The following FAM117B variants were observed in gnomAD, a reference collection of about 807,000 sequenced individuals.
FAM117B encodes the protein family with sequence similarity 117 member B.
In FAM117B, 22 loss-of-function variants were observed where a neutral mutation model predicts 52.8. The ratio of observed to expected loss-of-function variants is 0.42; its 90% CI spans 0.30 to 0.59. The LOEUF is 0.59. Among genes scored for constraint, FAM117B ranks in the 20% least tolerant of loss-of-function variants. The pLI, the probability that FAM117B is intolerant of heterozygous loss-of-function variation, is 0.22. For missense variants in FAM117B, 678 were observed against 802.6 expected, an observed-to-expected ratio of 0.84 and a Z score of 1.88; for synonymous variants, 309 against 324.1, an observed-to-expected ratio of 0.95 and a Z score of 0.50.
intron 4 of FAM117B, among the ~76,000 whole-genome samples, chr2:202,729,560 A>G (rs1207544259): frequency 2.6e-5 from 4 of 152,196 alleles, no homozygotes; most frequent in Non-Finnish European, 4.4e-5. Context: ...GTCTGTCCTT[A>G]CCAGTTCTCA....
intron 4 of FAM117B, among the ~76,000 whole-genome samples, chr2:202,745,290 AAAAG>A (rs1222184372): frequency 6.6e-6 from 1 of 152,084 alleles, no homozygotes; most frequent in Middle Eastern, 3.2e-3. Flanking sequence ...AAAAAAAAAA[AAAAG>A]GCAAAATAAG....
chr2:202,757,352 C>T lies in FAM117B; in HGVS notation c.1244C>T (p.Pro415Leu). The change falls in exon 6 of 8, where the codon CCA (proline) becomes CTA (leucine). Residue 415 changes from proline to leucine, a missense_variant. Transcript: ENST00000392238. ...NNSSRSQSVS[P>L]TSFLTISNEG... ...AGCAGCCGTTCCCAGTCCGTGTCCC[C>T]AACATCGTTCCTCACCATTTCCAAT... 1 of 1,614,062 alleles carries T rather than the reference C, an allele frequency of 6.2e-7. No homozygotes were observed. The highest frequency in any genetic ancestry group is 8.5e-7 in the Non-Finnish European group (1 of 1,180,024).
chr2:202,706,212 G>A (rs1299744278), intron 2 of FAM117B, among the ~76,000 whole-genome samples: 1 of 151,980 alleles, frequency 6.6e-6, no homozygotes, highest in Non-Finnish European at 1.5e-5. Context: ...CTTTGGTTTG[G>A]TTTCTTTACG....
At chr2:202,715,342 G>A (rs1163149120) in intron 2 of FAM117B, among the ~76,000 whole-genome samples, 26 of 149,314 alleles carry the variant, frequency 1.7e-4, no homozygotes, top group African/African-American at 5.0e-4. Context: ...GCTGCCGGGC[G>A]GAGACGCTCC....
rs749836325 is a variant in FAM117B, at chr2:202,635,804, C to T, written c.601+16C>T. 1 of 1,425,400 alleles carries T rather than the reference C, an allele frequency of 7.0e-7. No homozygotes were observed. The highest frequency in any genetic ancestry group is 1.4e-5 in the South Asian group (1 of 72,556). 88.3% of individuals were successfully genotyped at this position (1,425,400 alleles called of 1,614,324 possible). On this transcript the variant is annotated intron_variant, in intron 1 of 7. Coordinates refer to ENST00000392238, the MANE Select transcript of FAM117B (RefSeq NM_173511.4). ...TGCAAAGCAGGTAAGTGCTGGGGGTCGCGCAGCAAGGGGGAGGCGGCTGCG... is the reference window on the plus strand; with the variant it reads ...TGCAAAGCAGGTAAGTGCTGGGGGTTGCGCAGCAAGGGGGAGGCGGCTGCG...
intron 1 of FAM117B, among the ~76,000 whole-genome samples, chr2:202,643,577 A>G (rs2105752664): frequency 6.6e-6 from 1 of 152,330 alleles, no homozygotes; most frequent in Non-Finnish European, 1.5e-5. Flanking sequence ...TAAAATGTCA[A>G]ATAGCACTGA....
At chr2:202,715,809 T>G (rs894368322) in intron 2 of FAM117B, among the ~76,000 whole-genome samples, 3 of 152,328 alleles carry the variant, frequency 2.0e-5, no homozygotes, top group African/African-American at 7.2e-5. Flanking sequence ...ACTGAGTGAA[T>G]GAGACTCCGT....
chr2:202,744,976 C>CAAAAAAAAAAAAAAAAA (rs58898446), intron 4 of FAM117B, among the ~76,000 whole-genome samples: 1 of 59,298 alleles, frequency 1.7e-5, no homozygotes, highest in African/African-American at 7.4e-5. Flanking sequence ...GACTCTGTCT[C>CAAAAAAAAAAAAAAAAA]AAAAAAAAAA....
chr2:202,734,604 GTT>G (rs1258393222), intron 4 of FAM117B, among the ~76,000 whole-genome samples: 3 of 152,202 alleles, frequency 2.0e-5, no homozygotes, highest in Admixed American at 6.5e-5. Flanking sequence ...GGCTTGAAGT[GTT>G]GAGTCCTGCT....
At chr2:202,736,226 C>T (rs1039561842) in intron 4 of FAM117B, among the ~76,000 whole-genome samples, 3 of 152,040 alleles carry the variant, frequency 2.0e-5, no homozygotes, top group African/African-American at 7.2e-5. Flanking sequence ...AGTTTTTTGC[C>T]GTTTCAAAAT....
At chr2:202,679,448 G>C (rs1337264219) in intron 1 of FAM117B, among the ~76,000 whole-genome samples, 1 of 152,206 alleles carries the variant, frequency 6.6e-6, no homozygotes, top group East Asian at 1.9e-4. Context: ...GTTTTCTTTA[G>C]CTTTTGCTGA....
chr2:202,640,292 CAAAA>C (rs1169396299), intron 1 of FAM117B, among the ~76,000 whole-genome samples: 15 of 50,706 alleles, frequency 3.0e-4, no homozygotes, highest in Non-Finnish European at 5.2e-4. Context: ...ACCACCACCA[CAAAA>C]TATATATATA....
At chr2:202,716,952 C>T (rs917086770) in intron 2 of FAM117B, among the ~76,000 whole-genome samples, 3 of 152,176 alleles carry the variant, frequency 2.0e-5, no homozygotes, top group African/African-American at 7.2e-5. Flanking sequence ...TGAGCTTCCT[C>T]AAAACAGTTA....
At chr2:202,702,120 C>T (rs952232256) in intron 2 of FAM117B, among the ~76,000 whole-genome samples, 20 of 152,102 alleles carry the variant, frequency 1.3e-4, no homozygotes, top group African/African-American at 2.2e-4. Flanking sequence ...TGCACGGGTG[C>T]GGTGGCTCAC....
At chr2:202,762,689 C>T (rs2351117) in intron 7 of FAM117B, among the ~76,000 whole-genome samples, 65,572 of 151,424 alleles carry the variant, frequency 0.43, 16,305 homozygotes, top group Middle Eastern at 0.63. Context: ...GTCACATATC[C>T]TGTGGTGGGT....
At chr2:202,728,071 C>T (rs1053471681) in intron 4 of FAM117B, among the ~76,000 whole-genome samples, 1 of 152,142 alleles carries the variant, frequency 6.6e-6, no homozygotes, top group East Asian at 1.9e-4. Flanking sequence ...CCTCGACTTC[C>T]TGGGTTTATG....
At chr2:202,654,954 A>G (rs1421206449) in intron 1 of FAM117B, among the ~76,000 whole-genome samples, 2 of 152,016 alleles carry the variant, frequency 1.3e-5, no homozygotes, top group Non-Finnish European at 2.9e-5. Context: ...TATTCTCTTT[A>G]GAAAAAATGT....
Position 202,695,997 on chromosome 2 carries a change from C to T in FAM117B, c.718C>T (p.Gln240Ter). Reference sequence around the variant, plus strand: ...ACACTGGCCTCGGGATAGCCATGGGCAAGCTGCACCTTGCATGAGGGACAA... The same window carrying T: ...ACACTGGCCTCGGGATAGCCATGGGTAAGCTGCACCTTGCATGAGGGACAA... The part of the protein sequence containing the change: ...AGHWPRDSHG[Q>*]AAPCMRDKAT... Residue 240 changes from glutamine (Q) to a stop codon, truncating the protein, a stop_gained, in exon 2 of 8, where the codon CAA (glutamine) becomes TAA (stop). Coordinates refer to ENST00000392238, the MANE Select transcript of FAM117B (RefSeq NM_173511.4). LOFTEE classifies it high-confidence loss of function. The T allele has an allele frequency of 2.5e-6, 4 of 1,614,158 alleles. No homozygotes were observed. Among genetic ancestry groups the T allele is most frequent in the Non-Finnish European group, 3.4e-6 (4 of 1,180,020 alleles).
chr2:202,694,188 C>CTTTTTTTTTTTTTTTTTTTTTTT lies in FAM117B; in HGVS notation c.602-1672_602-1671insTTTTTTTTTTTTTTTTTTTTTTT, dbSNP rs757843381. On this transcript the variant is annotated intron_variant, in intron 1 of 7. Transcript: ENST00000392238. ...GAAGATGTTATTGCAAAACCCACTT[C>CTTTTTTTTTTTTTTTTTTTTTTT]TTTTTTTTTTTTTTTTTTTTTGAGA... 5.8e-4 allele frequency among the ~76,000 whole-genome samples: 57 copies of CTTTTTTTTTTTTTTTTTTTTTTT among 99,098 alleles called. 3 individuals are homozygous for CTTTTTTTTTTTTTTTTTTTTTTT. Among genetic ancestry groups the CTTTTTTTTTTTTTTTTTTTTTTT allele is most frequent in the African/African-American group, 2.4e-3 (54 of 22,842 alleles). The allele number at this position is 99,098 out of a possible 152,430, so 65.0% of individuals were successfully genotyped here.
Sources: gnomAD v4.1 joint callset for allele counts (sites outside exome capture counted in the v4.1 genomes callset) on GRCh38, gnomAD v4.1.1 for gene constraint, MANE v1.5 for transcripts, NCBI Gene and HGNC (gene_info 2026-07-23, HGNC 2026-07-21) for gene names.